The following LITAF variants were observed in gnomAD, a reference collection of about 807,000 sequenced individuals.
LITAF encodes lipopolysaccharide-induced tumor necrosis factor-alpha factor.
Under a neutral mutation model 14.5 loss-of-function variants are expected in LITAF, and 9 were observed. That is an observed-to-expected ratio of 0.62 (90% CI 0.37 to 1.08). LITAF has a LOEUF of 1.08. Among genes scored for constraint, LITAF ranks in the 50% least tolerant of loss-of-function variants. The pLI is 0.01. For synonymous variants in LITAF, 98 were observed against 88.2 expected, an observed-to-expected ratio of 1.11 and a Z score of -0.62; for missense variants, 206 against 213.4, an observed-to-expected ratio of 0.97 and a Z score of 0.22.
chr16:11,549,152 C>CT lies in LITAF; in HGVS notation c.*484dup, dbSNP rs1250132795. 1.1e-5 allele frequency: 5 copies of CT among 454,008 alleles called. No homozygotes were observed. Among genetic ancestry groups the CT allele is most frequent in the Admixed American group, 7.1e-5 (3 of 42,538 alleles). 28.1% of individuals were successfully genotyped at this position (454,008 alleles called of 1,614,324 possible). A position where few individuals can be genotyped will look rare whatever the true frequency, so the allele number is the denominator to read the frequency against. ...GCCTGTAAAGTCTGTAAGGCAAGAT[C>CT]TTTGTCATCAGGGACGGGAAGAGAC... On this transcript the variant is annotated 3_prime_UTR_variant, in exon 4 of 4. Transcript: ENST00000622633. The surrounding 1 kb of genome is among the most constrained non-coding windows in gnomAD (Gnocchi z 4.6).
rs547785563 is a variant in LITAF at position 11,617,842 on chromosome 16, CTATT to C, written c.85+15687_85+15690del. On this transcript the variant is annotated intron_variant, in intron 3 of 3. Coordinates refer to the LITAF transcript ENST00000574848. ...TATTAAATTTCCTTCCCTCCGTAAC[CTATT>C]TATTTATTTATTCATTCATTCATTT... Among the ~76,000 whole-genome samples the C allele has an allele frequency of 2.6e-3, 392 of 152,124 alleles. 2 individuals are homozygous for C. Among genetic ancestry groups the C allele is most frequent in the African/African-American group, 9.0e-3 (373 of 41,502 alleles).
intron 1 of LITAF, among the ~76,000 whole-genome samples, chr16:11,562,804 G>C (rs932898593): frequency 6.6e-6 from 1 of 152,076 alleles, no homozygotes; most frequent in African/African-American, 2.4e-5. Context: ...GGCTAAGGTA[G>C]GAGGATCACT....
chr16:11,573,912 G>A (rs1597349665), intron 1 of LITAF, among the ~76,000 whole-genome samples: 2 of 151,904 alleles, frequency 1.3e-5, no homozygotes, highest in South Asian at 4.2e-4. Context: ...ACGTTGGCCA[G>A]GCTGGTCTCA....
intron 1 of LITAF, among the ~76,000 whole-genome samples, chr16:11,563,525 G>C (rs562379145): frequency 1.3e-5 from 2 of 152,206 alleles, no homozygotes; most frequent in South Asian, 4.1e-4. Context: ...GAACTCTGGA[G>C]GGATCACCTC....
At chr16:11,600,322 G>A (rs1297845674), upstream of LITAF, among the ~76,000 whole-genome samples, 7 of 152,142 alleles carry the variant, frequency 4.6e-5, no homozygotes, top group African/African-American at 1.4e-4. This position sits in a 1 kb window ranked among gnomAD's most constrained non-coding sequence, Gnocchi z 4.1. Context: ...GTTATTCCAC[G>A]TCTGTCTTCC....
At chr16:11,637,773 C>G (rs555592390), upstream of LITAF, among the ~76,000 whole-genome samples, 11 of 150,368 alleles carry the variant, frequency 7.3e-5, no homozygotes, top group Admixed American at 4.0e-4. Flanking sequence ...CCCAGCTACT[C>G]CAGAGGCTGA....
intron 1 of LITAF, among the ~76,000 whole-genome samples, chr16:11,567,581 T>G (rs1398070758): frequency 6.6e-6 from 1 of 152,210 alleles, no homozygotes; most frequent in Non-Finnish European, 1.5e-5. Context: ...CATTTTTTTC[T>G]CCTTGGTGGA....
intron 1 of LITAF, among the ~76,000 whole-genome samples, chr16:11,592,305 G>T (rs1449980185): frequency 6.6e-6 from 1 of 152,182 alleles, no homozygotes; most frequent in Non-Finnish European, 1.5e-5. Context: ...GCTGGGTGCG[G>T]TGGCTCACGC....
chr16:11,595,780 C>A (rs2064880972), intron 1 of LITAF, among the ~76,000 whole-genome samples: 1 of 152,032 alleles, frequency 6.6e-6, no homozygotes, highest in Admixed American at 6.6e-5. Flanking sequence ...TGCAGAATGC[C>A]CAGTTAATCT....
At position 11,549,754 on chromosome 16, in the gene LITAF, A is replaced by G. The variant is rs1270450888; in HGVS notation, c.378-9T>C. On this transcript the variant is annotated splice_polypyrimidine_tract_variant and intron_variant, in intron 3 of 3. Coordinates refer to ENST00000622633, the MANE Select transcript of LITAF (RefSeq NM_001136472.2). This position sits in a 1 kb window ranked among gnomAD's most constrained non-coding sequence, Gnocchi z 4.6. ...AGCAGCCCGCTATGCACCTGGGAGG[A>G]GAGAGAGACACACGGAGCGCGTTAC... 13 of 1,606,914 alleles carry G rather than the reference A, an allele frequency of 8.1e-6. No homozygotes were observed. Among genetic ancestry groups the G allele is most frequent in the Non-Finnish European group, 1.1e-5 (13 of 1,175,048 alleles).
At chr16:11,596,291 G>A (rs938897968) in intron 1 of LITAF, among the ~76,000 whole-genome samples, 15 of 151,952 alleles carry the variant, frequency 9.9e-5, no homozygotes, top group African/African-American at 2.9e-4. Flanking sequence ...CCTGTAAACC[G>A]CAGGAAGAGC....
At chr16:11,565,866 C>T (rs1430745963) in intron 1 of LITAF, among the ~76,000 whole-genome samples, 3 of 151,620 alleles carry the variant, frequency 2.0e-5, no homozygotes, top group East Asian at 1.9e-4. Flanking sequence ...TGCTTGCCCC[C>T]GGGAGAATTC....
intron 3 of LITAF, among the ~76,000 whole-genome samples, chr16:11,620,245 T>C (rs1014035299): frequency 7.0e-6 from 1 of 142,846 alleles, no homozygotes; most frequent in Non-Finnish European, 1.5e-5. Flanking sequence ...TGGTGGGAGG[T>C]GTTTGGATCA....
At position 11,549,910 on chromosome 16, in the gene LITAF, C is replaced by G; in HGVS notation, c.378-165G>C. On this transcript the variant is annotated intron_variant, in intron 3 of 3. Coordinates refer to ENST00000622633, the MANE Select transcript of LITAF (RefSeq NM_001136472.2). The surrounding 1 kb of genome is among the most constrained non-coding windows in gnomAD (Gnocchi z 4.6). ...GGATTATCCAGGCGGACCCCTAAAA[C>G]CCAATGACCTTAGAAGAAGAGGAGA... The G allele has an allele frequency of 1.5e-6, 1 of 650,512 alleles. No homozygotes were observed. The highest frequency in any genetic ancestry group is 2.8e-6 in the Non-Finnish European group (1 of 352,860). The allele number at this position is 650,512 out of a possible 1,614,324, so 40.3% of individuals were successfully genotyped here. A position where few individuals can be genotyped will look rare whatever the true frequency, so the allele number is the denominator to read the frequency against.
exon 3 of LITAF, chr16:11,633,539 C>G (rs1432136482): frequency 3.3e-5 from 5 of 152,098 alleles, no homozygotes; most frequent in Non-Finnish European, 7.4e-5. Flanking sequence ...TCACCAAAAC[C>G]AAGACGGCGA....
Position 11,548,206 on chromosome 16 carries a change from A to C in LITAF, c.*1431T>G, listed in dbSNP as rs1436873689. 3 of 453,998 alleles carry C rather than the reference A, an allele frequency of 6.6e-6. No homozygotes were observed. Among genetic ancestry groups the C allele is most frequent in the Non-Finnish European group, 1.3e-5 (3 of 226,808 alleles). 28.1% of individuals were successfully genotyped at this position (453,998 alleles called of 1,614,324 possible). A position where few individuals can be genotyped will look rare whatever the true frequency, so the allele number is the denominator to read the frequency against. ...ATTTCTACATAGTAGTATTCACATG[A>C]GTTCCCTATTCTGAAGTATTATCAA... On this transcript the variant is annotated 3_prime_UTR_variant, in exon 4 of 4. Transcript: ENST00000622633.
upstream of LITAF, among the ~76,000 whole-genome samples, chr16:11,587,977 C>T (rs544701344): frequency 1.8e-4 from 27 of 152,176 alleles, no homozygotes; most frequent in Non-Finnish European, 2.9e-4. Flanking sequence ...TGCCTTTACC[C>T]GAGGTCCTAA....
At chr16:11,628,846 T>G (rs1045036656) in intron 3 of LITAF, among the ~76,000 whole-genome samples, 12 of 152,182 alleles carry the variant, frequency 7.9e-5, no homozygotes, top group African/African-American at 2.9e-4. Context: ...CCAGCTAATT[T>G]TTGTATTTTA....
At chr16:11,638,866 G>A (rs1195347443), upstream of LITAF, among the ~76,000 whole-genome samples, 3 of 151,734 alleles carry the variant, frequency 2.0e-5, no homozygotes, top group Non-Finnish European at 2.9e-5. Context: ...ATACATAGCT[G>A]GCTACCTTTT....
Sources: gnomAD v4.1 joint callset for allele counts (sites outside exome capture counted in the v4.1 genomes callset) on GRCh38, gnomAD v4.1.1 for gene constraint, Gnocchi (gnomAD v3.1) non-coding constraint, MANE v1.5 for transcripts, NCBI Gene and HGNC (gene_info 2026-07-23, HGNC 2026-07-21) for gene names.